LIN28B: variants seen among roughly 807,000 people sequenced by gnomAD.
The protein encoded by LIN28B is protein lin-28 homolog B.
Under a neutral mutation model 21.9 loss-of-function variants are expected in LIN28B, and 5 were observed. The observed-to-expected ratio is 0.23, with a 90% CI of 0.12 to 0.48. LIN28B has a LOEUF of 0.48. Among genes scored for constraint, LIN28B ranks in the 20% least tolerant of loss-of-function variants. The pLI, the probability that LIN28B is intolerant of heterozygous loss-of-function variation, is 0.98. For missense variants in LIN28B, 245 were observed against 310.5 expected (o/e 0.79, Z 1.58); for synonymous variants, 109 against 111.3 (o/e 0.98, Z 0.13).
rs529833541 is a variant in LIN28B at position 105,051,268 on chromosome 6, A to C, written c.383+24786A>C. ...AGCCTGGCCAACATGGTGAAACCCT[A>C]TCTCTACTAAAAATACAAAAATTAG... On this transcript the variant is annotated intron_variant, in intron 3 of 3. Coordinates refer to ENST00000345080, the MANE Select transcript of LIN28B (RefSeq NM_001004317.4). 1.3e-4 allele frequency among the ~76,000 whole-genome samples: 19 copies of C among 151,202 alleles called. 1 individual carries two copies. The highest frequency in any genetic ancestry group is 4.7e-4 in the African/African-American group (19 of 40,740).
chr6:105,015,132 T>C (rs1771002073), intron 2 of LIN28B, among the ~76,000 whole-genome samples: 1 of 152,144 alleles, frequency 6.6e-6, no homozygotes, highest in South Asian at 2.1e-4. Flanking sequence ...ATAAAAAAAG[T>C]CTCCAGCTAT....
intron 3 of LIN28B, among the ~76,000 whole-genome samples, chr6:105,078,056 A>T (rs2114426619): frequency 6.6e-6 from 1 of 152,260 alleles, no homozygotes; most frequent in Middle Eastern, 3.4e-3. Context: ...TTTTTGTTGA[A>T]TATTCGCTGC....
intron 2 of LIN28B, among the ~76,000 whole-genome samples, chr6:105,006,343 G>A (rs922262588): frequency 2.6e-5 from 4 of 152,056 alleles, no homozygotes; most frequent in East Asian, 1.9e-4. Flanking sequence ...ACAGAGTCTC[G>A]CTTTGTTGCC....
Position 105,077,890 on chromosome 6 carries a change from T to G in LIN28B, c.384-524T>G, listed in dbSNP as rs143862543. Among the ~76,000 whole-genome samples the G allele has an allele frequency of 1.5e-3, 233 of 152,316 alleles. 1 individual carries two copies. The highest frequency in any genetic ancestry group is 5.2e-3 in the African/African-American group (216 of 41,562). On this transcript the variant is annotated intron_variant, in intron 3 of 3. Coordinates refer to ENST00000345080, the MANE Select transcript of LIN28B (RefSeq NM_001004317.4). ...ATACAAAGGAAAAAAATTTTTCCAG[T>G]TTAGCTGGTTTCTACAGTCAAAATA...
intron 3 of LIN28B, among the ~76,000 whole-genome samples, chr6:105,055,944 T>TAGAG (rs1308228650): frequency 1.4e-5 from 1 of 73,074 alleles, no homozygotes; most frequent in Non-Finnish European, 3.0e-5. Flanking sequence ...TTTTTTTGGG[T>TAGAG]AGAGACTGGA....
chr6:105,049,527 C>T (rs370589946), intron 3 of LIN28B, among the ~76,000 whole-genome samples: 183 of 152,124 alleles, frequency 1.2e-3, no homozygotes, highest in Non-Finnish European at 1.9e-3. Flanking sequence ...TCCGCTTGGT[C>T]CAGAGCTGAG....
chr6:105,023,513 A>ACC (rs1771202908), intron 2 of LIN28B, among the ~76,000 whole-genome samples: 1 of 1,144 alleles, frequency 8.7e-4, no homozygotes, highest in African/African-American at 1.8e-3. Context: ...ATATTATATA[A>ACC]TATATATAAT....
chr6:105,044,139 T>C lies in LIN28B; in HGVS notation c.383+17657T>C, dbSNP rs960987271. Among the ~76,000 whole-genome samples, 3 of 152,284 alleles carry C rather than the reference T, an allele frequency of 2.0e-5. No individual in the cohort carries two copies. In the South Asian group the frequency reaches 6.2e-4, roughly 32 times the overall value. On this transcript the variant is annotated intron_variant, in intron 3 of 3. Coordinates refer to ENST00000345080, the MANE Select transcript of LIN28B (RefSeq NM_001004317.4). ...CCATCAAAAGTTTTATTTGTTACATTATATAAAGATTAAGAAGCTCTGTTC... is the reference window on the plus strand; with the variant it reads ...CCATCAAAAGTTTTATTTGTTACATCATATAAAGATTAAGAAGCTCTGTTC...
rs113438026 is a variant in LIN28B at position 105,081,182 on chromosome 6, A to G, written c.*2399A>G. On this transcript the variant is annotated 3_prime_UTR_variant, in exon 4 of 4. Transcript: ENST00000345080. ...TTGTTGTTTCTTTACAGACTAGTCT[A>G]CAGTCCTGCTTACTCAAAACAAACC... 2 of 152,776 alleles carry G rather than the reference A, an allele frequency of 1.3e-5. No individual in the cohort carries two copies. The highest frequency in any genetic ancestry group is 4.8e-5 in the African/African-American group (2 of 41,582). The allele number at this position is 152,776 out of a possible 1,614,324, so 9.5% of individuals were successfully genotyped here. A position where few individuals can be genotyped will look rare whatever the true frequency, so the allele number is the denominator to read the frequency against.
chr6:104,997,267 C>A (rs1413516158), intron 2 of LIN28B, among the ~76,000 whole-genome samples: 2 of 139,826 alleles, frequency 1.4e-5, no homozygotes. Flanking sequence ...CGCGACAGAA[C>A]GAGACTCCGT....
chr6:104,969,189 A>G (rs1743658388), intron 2 of LIN28B, among the ~76,000 whole-genome samples: 1 of 152,082 alleles, frequency 6.6e-6, no homozygotes, highest in Non-Finnish European at 1.5e-5. Context: ...TATTGGCCTC[A>G]TTTTTTAGCT....
intron 2 of LIN28B, among the ~76,000 whole-genome samples, chr6:104,993,099 T>C (rs1238174750): frequency 6.6e-6 from 1 of 152,208 alleles, no homozygotes; most frequent in East Asian, 1.9e-4. Flanking sequence ...TTTATCTTAT[T>C]TTTAAAGCTT....
chr6:105,013,466 AG>A (rs1399450436), intron 2 of LIN28B, among the ~76,000 whole-genome samples: 1 of 151,994 alleles, frequency 6.6e-6, no homozygotes, highest in Non-Finnish European at 1.5e-5. Flanking sequence ...GGCCAAGTGC[AG>A]TGGCTCATAC....
chr6:104,991,425 G>T (rs1004669966), intron 2 of LIN28B, among the ~76,000 whole-genome samples: 7 of 150,694 alleles, frequency 4.6e-5, no homozygotes, highest in African/African-American at 1.5e-4. Flanking sequence ...GGGCGGCGGG[G>T]CAGAGGTGAT....
intron 3 of LIN28B, among the ~76,000 whole-genome samples, chr6:105,046,955 C>T (rs1771781308): frequency 2.0e-5 from 3 of 152,060 alleles, no homozygotes; most frequent in South Asian, 4.2e-4. Flanking sequence ...AATTTTCTCC[C>T]ATTCCGTAGG....
intron 3 of LIN28B, among the ~76,000 whole-genome samples, chr6:105,028,621 G>A (rs1229486856): frequency 2.0e-5 from 3 of 152,172 alleles, no homozygotes; most frequent in Non-Finnish European, 4.4e-5. Context: ...CAGGAAAGAT[G>A]AAGGGACTAT....
chr6:105,061,712 T>C (rs376834845), intron 3 of LIN28B, among the ~76,000 whole-genome samples: 44 of 152,258 alleles, frequency 2.9e-4, no homozygotes, highest in African/African-American at 1.0e-3. Context: ...AATGAATTCT[T>C]GAAGTATGAA....
chr6:105,017,914 T>C (rs927016795), intron 2 of LIN28B, among the ~76,000 whole-genome samples: 6 of 152,012 alleles, frequency 3.9e-5, no homozygotes, highest in Non-Finnish European at 8.8e-5. Flanking sequence ...AATTTGAAAA[T>C]AGAGAAATAA....
chr6:104,980,249 C>G (rs1423271966), intron 2 of LIN28B, among the ~76,000 whole-genome samples: 2 of 152,092 alleles, frequency 1.3e-5, no homozygotes, highest in Admixed American at 1.3e-4. Flanking sequence ...TTTGATGAAT[C>G]TATATGTGTA....
Sources: gnomAD v4.1 joint callset for allele counts (sites outside exome capture counted in the v4.1 genomes callset) on GRCh38, gnomAD v4.1.1 for gene constraint, MANE v1.5 for transcripts, NCBI Gene and HGNC (gene_info 2026-07-23, HGNC 2026-07-21) for gene names.